The following C12orf42 variants were observed in gnomAD, a reference collection of about 807,000 sequenced individuals.
The protein encoded by C12orf42 is chromosome 12 open reading frame 42.
A neutral mutation model predicts 21.6 loss-of-function variants in C12orf42; 25 were observed. The ratio of observed to expected loss-of-function variants is 1.16; its 90% CI spans 0.84 to 1.62. The LOEUF is 1.62. Among genes scored for constraint, C12orf42 ranks in the 40% most tolerant of loss-of-function variants. C12orf42 has a pLI of 0.00. For missense variants in C12orf42, 483 were observed against 459.3 expected (o/e 1.05, Z -0.47); for synonymous variants, 174 against 175.0 (o/e 0.99, Z 0.05).
Position 103,302,224 on chromosome 12 carries a change from G to T in C12orf42, c.967C>A (p.Pro323Thr), listed in dbSNP as rs755377433. 6.2e-7 allele frequency: 1 copy of T among 1,612,074 alleles called. No individual in the cohort carries two copies. Among genetic ancestry groups the T allele is most frequent in the East Asian group, 2.2e-5 (1 of 44,864 alleles). Residue 323 changes from proline to threonine, a missense_variant, in exon 6 of 6, where the codon CCC becomes ACC. Pro to Thr is a conservative substitution (Grantham distance 38). Coordinates refer to ENST00000548883, the MANE Select transcript of C12orf42 (RefSeq NM_198521.5). ...CAAACCTTTATTAACCTCTTGGAGGGGAAATGGGTGGAAGCACCGGCCAGC... is the reference window on the plus strand; with the variant it reads ...CAAACCTTTATTAACCTCTTGGAGGTGAAATGGGTGGAAGCACCGGCCAGC... ...PLLAGASTHF[P>T]SKRLIKVCSS...
chr12:103,217,461 C>T, the C12orf42 span, among the ~76,000 whole-genome samples: 5 of 148,002 alleles, frequency 3.4e-5, no homozygotes, highest in East Asian at 1.0e-3. Flanking sequence ...CCTCAGAGGT[C>T]GAGGCTGCAG....
the C12orf42 span, among the ~76,000 whole-genome samples, chr12:103,220,679 C>T: frequency 3.1e-4 from 44 of 139,986 alleles, no homozygotes; most frequent in East Asian, 8.9e-3. Context: ...ACGACCATTG[C>T]TTTTGACGAG....
downstream of C12orf42, among the ~76,000 whole-genome samples, chr12:103,267,084 A>G (rs2035205896): frequency 6.6e-6 from 1 of 152,158 alleles, no homozygotes; most frequent in South Asian, 2.1e-4. Flanking sequence ...TTTGGCTCAC[A>G]TTATTCCTCA....
chr12:103,563,029 G>A, the C12orf42 span, among the ~76,000 whole-genome samples: 6 of 152,206 alleles, frequency 3.9e-5, no homozygotes, highest in Non-Finnish European at 7.3e-5. Context: ...GTTTGGATTC[G>A]CTTGATGAAT....
intron 1 of C12orf42, among the ~76,000 whole-genome samples, chr12:103,479,523 TAACAG>T (rs1201309834): frequency 6.6e-6 from 1 of 152,122 alleles, no homozygotes; most frequent in Non-Finnish European, 1.5e-5. Flanking sequence ...TTCCTGATGT[TAACAG>T]AAATTCATAC....
At chr12:103,191,743 TA>T in the C12orf42 span, among the ~76,000 whole-genome samples, 103,977 of 121,894 alleles carry the variant, frequency 0.85, 44,330 homozygotes, top group Admixed American at 0.9. Flanking sequence ...ACTCTGTGTC[TA>T]AAAAAAAAAA....
intron 4 of C12orf42, among the ~76,000 whole-genome samples, chr12:103,359,418 T>C (rs1212097479): frequency 6.6e-6 from 1 of 152,084 alleles, no homozygotes; most frequent in Admixed American, 6.6e-5. Flanking sequence ...ACAACCCAAA[T>C]GTTCTTCAGC....
the C12orf42 span, among the ~76,000 whole-genome samples, chr12:103,138,254 T>C: frequency 6.6e-6 from 1 of 152,294 alleles, no homozygotes; most frequent in East Asian, 1.9e-4. Flanking sequence ...CACCCAAATC[T>C]CATGTTGAAG....
chr12:103,528,182 A>T, the C12orf42 span, among the ~76,000 whole-genome samples: 1 of 152,272 alleles, frequency 6.6e-6, no homozygotes, highest in East Asian at 1.9e-4. Context: ...ACATAGGGAT[A>T]GATATAGACA....
chr12:103,391,161 TTATATA>T (rs143705802), intron 3 of C12orf42, among the ~76,000 whole-genome samples: 2 of 150,606 alleles, frequency 1.3e-5, no homozygotes, highest in South Asian at 4.2e-4. Flanking sequence ...ATATTCGGTT[TTATATA>T]TATATATATA....
chr12:103,387,442 C>A (rs1319363220), intron 3 of C12orf42, among the ~76,000 whole-genome samples: 1 of 152,214 alleles, frequency 6.6e-6, no homozygotes. Context: ...TCTTTACAAC[C>A]ATCGAACTGC....
At chr12:103,276,631 C>G (rs2035787443) in intron 5 of C12orf42, among the ~76,000 whole-genome samples, 1 of 152,212 alleles carries the variant, frequency 6.6e-6, no homozygotes, top group Non-Finnish European at 1.5e-5. Flanking sequence ...GAGCTGCTGT[C>G]AACCACAACC....
At chr12:103,496,897 C>G (rs1400867556), upstream of C12orf42, among the ~76,000 whole-genome samples, 1 of 151,534 alleles carries the variant, frequency 6.6e-6, no homozygotes, top group African/African-American at 2.4e-5. Context: ...TCTTGGGAAG[C>G]CAACAGCCTT....
the C12orf42 span, among the ~76,000 whole-genome samples, chr12:103,051,612 G>A: frequency 6.6e-6 from 1 of 152,260 alleles, no homozygotes. Flanking sequence ...ATTATAAAAA[G>A]CCATCCGCAT....
the C12orf42 span, among the ~76,000 whole-genome samples, chr12:103,126,143 G>A: frequency 6.6e-6 from 1 of 152,300 alleles, no homozygotes; most frequent in African/African-American, 2.4e-5. Context: ...GGCTAGGGTG[G>A]CAGCACAAGG....
chr12:103,237,100 A>G (rs528012400), downstream of C12orf42, among the ~76,000 whole-genome samples: 1 of 152,346 alleles, frequency 6.6e-6, no homozygotes, highest in African/African-American at 2.4e-5. Context: ...TTAGCATGTT[A>G]GTTTGGCTAT....
the C12orf42 span, among the ~76,000 whole-genome samples, chr12:103,132,587 T>A: frequency 1.3e-5 from 2 of 152,126 alleles, no homozygotes; most frequent in Admixed American, 1.3e-4. Flanking sequence ...CCCACCAGAC[T>A]GCATATTCTC....
At position 103,474,334 on chromosome 12, in the gene C12orf42, T is replaced by C. The variant is rs115522440; in HGVS notation, c.78+4015A>G. ...AAAACGGAAAATTGTAGAGTGCCAT[T>C]TGACCCTCTCTTCATTCCTACCAGA... is the stretch of plus-strand genomic sequence containing the variant. On this transcript the variant is annotated intron_variant, in intron 2 of 5. Transcript: ENST00000548883. 2.4e-3 allele frequency among the ~76,000 whole-genome samples: 373 copies of C among 152,272 alleles called. 3 individuals carry two copies. Among genetic ancestry groups the C allele is most frequent in the African/African-American group, 8.4e-3 (348 of 41,544 alleles).
At chr12:103,203,253 G>A in the C12orf42 span, among the ~76,000 whole-genome samples, 3 of 152,168 alleles carry the variant, frequency 2.0e-5, no homozygotes, top group African/African-American at 7.2e-5. Flanking sequence ...CTGGATGGGG[G>A]ATTGCCCCTG....
Sources: gnomAD v4.1 joint callset for allele counts (sites outside exome capture counted in the v4.1 genomes callset) on GRCh38, gnomAD v4.1.1 for gene constraint, MANE v1.5 for transcripts, NCBI Gene and HGNC (gene_info 2026-07-23, HGNC 2026-07-21) for gene names.